PARD3B: variants seen among roughly 807,000 people sequenced by gnomAD.
The protein encoded by PARD3B is par-3 family cell polarity regulator beta.
A neutral mutation model predicts 130.2 loss-of-function variants in PARD3B; 103 were observed. The ratio of observed to expected loss-of-function variants is 0.79; its 90% confidence interval spans 0.67 to 0.93. The LOEUF (loss-of-function observed/expected upper bound fraction) is 0.93. PARD3B is among the 40% of genes least tolerant of loss of function. PARD3B has a pLI of 0.00. For missense variants in PARD3B, 1,609 were observed against 1,499.2 expected (o/e 1.07, Z -1.21); for synonymous variants, 583 against 553.2 (o/e 1.05, Z -0.76).
At chr2:204,854,058 C>T (rs184184777) in intron 2 of PARD3B, among the ~76,000 whole-genome samples, 10 of 151,998 alleles carry the variant, frequency 6.6e-5, no homozygotes, top group South Asian at 2.1e-4. Context: ...GGAGCATTTG[C>T]GAAGATCCTG....
In PARD3B at chr2:205,568,751, G is replaced by GTCT. The variant is rs1378274391; in HGVS notation, c.3260+15351_3260+15353dup. Among the ~76,000 whole-genome samples, 4 of 152,312 alleles carry GTCT rather than the reference G, an allele frequency of 2.6e-5. No homozygotes were observed. The highest frequency in any genetic ancestry group is 2.1e-4 in the South Asian group (1 of 4,824). Reference sequence around the variant, plus strand: ...ATTCGTCAGATGGCCCTGGTCGTGTGTCTTCCATGGTCTCCACAGTCTCAC... The same window carrying GTCT: ...ATTCGTCAGATGGCCCTGGTCGTGTGTCTTCTTCCATGGTCTCCACAGTCTCAC... On this transcript the variant is annotated intron_variant, in intron 22 of 22. Transcript: ENST00000406610. This position sits in a 1 kb window ranked among gnomAD's most constrained non-coding sequence, Gnocchi z 5.3.
chr2:204,745,407 CTTTT>C (rs71032405), intron 2 of PARD3B, among the ~76,000 whole-genome samples: 2 of 140,994 alleles, frequency 1.4e-5, no homozygotes, highest in African/African-American at 5.2e-5. Context: ...TAAATACTAC[CTTTT>C]TTTTTTTTTG....
rs58098566 is a variant in PARD3B, at chr2:204,553,615, TATATAC to T, written c.120+7502_120+7507del. Reference sequence around the variant, plus strand: ...ATACATATATATGTATATATATGGCTATATACATATATATGGATATATATTTATATA... The same window carrying T: ...ATACATATATATGTATATATATGGCTATATATATGGATATATATTTATATA... On this transcript the variant is annotated intron_variant, in intron 1 of 22. Coordinates refer to ENST00000406610, the MANE Select transcript of PARD3B (RefSeq NM_001302769.2). 2.5e-3 allele frequency among the ~76,000 whole-genome samples: 295 copies of T among 117,864 alleles called. 4 individuals carry two copies. Among genetic ancestry groups the T allele is most frequent in the African/African-American group, 8.2e-3 (257 of 31,236 alleles). 77.3% of individuals were successfully genotyped at this position (117,864 alleles called of 152,430 possible). A position where few individuals can be genotyped will look rare whatever the true frequency, so the allele number is the denominator to read the frequency against.
At chr2:205,539,604 C>CTT (rs34922521) in intron 21 of PARD3B, among the ~76,000 whole-genome samples, 2 of 151,954 alleles carry the variant, frequency 1.3e-5, no homozygotes, top group Admixed American at 6.6e-5. Context: ...GCTGTCACAA[C>CTT]TGATGACCAG....
intron 1 of PARD3B, among the ~76,000 whole-genome samples, chr2:204,646,427 T>C (rs534880044): frequency 7.8e-4 from 118 of 152,070 alleles, no homozygotes; most frequent in Non-Finnish European, 1.6e-3. Flanking sequence ...CATTCAGTGT[T>C]TGTGAGATTC....
At chr2:204,991,706 G>C (rs1368234586) in intron 3 of PARD3B, among the ~76,000 whole-genome samples, 3 of 151,148 alleles carry the variant, frequency 2.0e-5, no homozygotes, top group Non-Finnish European at 4.4e-5. Flanking sequence ...GTGTAAAAGT[G>C]TTCCTATTTC....
chr2:204,608,534 C>T (rs2033812561), intron 1 of PARD3B, among the ~76,000 whole-genome samples: 2 of 152,122 alleles, frequency 1.3e-5, no homozygotes, highest in Non-Finnish European at 2.9e-5. Context: ...AGTGCTATGC[C>T]TGGAAGGAGA....
At chr2:205,381,361 C>T (rs2105945381) in intron 18 of PARD3B, among the ~76,000 whole-genome samples, 1 of 150,408 alleles carries the variant, frequency 6.6e-6, no homozygotes. Context: ...TGCATTTCTT[C>T]AATGCTTGCT....
At chr2:205,381,969 G>T (rs2045465880) in intron 18 of PARD3B, among the ~76,000 whole-genome samples, 2 of 151,898 alleles carry the variant, frequency 1.3e-5, no homozygotes, top group Admixed American at 1.3e-4. Context: ...CCAGAAATTT[G>T]CAAAGAAGTA....
chr2:204,807,524 T>A (rs1420650170), intron 2 of PARD3B, among the ~76,000 whole-genome samples: 1 of 152,040 alleles, frequency 6.6e-6, no homozygotes, highest in Non-Finnish European at 1.5e-5. Flanking sequence ...AATCAGAATG[T>A]TGAAGAAATG....
At chr2:204,621,975 T>C (rs766937683) in intron 1 of PARD3B, among the ~76,000 whole-genome samples, 2 of 152,192 alleles carry the variant, frequency 1.3e-5, no homozygotes, top group Non-Finnish European at 2.9e-5. Context: ...GAACTGGTTA[T>C]TTCAACTCTG....
intron 3 of PARD3B, among the ~76,000 whole-genome samples, chr2:205,038,995 G>A (rs1026886628): frequency 2.0e-5 from 3 of 152,024 alleles, no homozygotes; most frequent in African/African-American, 7.2e-5. Context: ...ACCAAACCGG[G>A]TCAGGCACTC....
intron 2 of PARD3B, among the ~76,000 whole-genome samples, chr2:204,928,190 A>G (rs1239741878): frequency 6.6e-6 from 1 of 152,128 alleles, no homozygotes; most frequent in East Asian, 1.9e-4. Context: ...GGCTGGGACA[A>G]TTGGACTCTC....
chr2:205,406,659 CTTTTTTT>C (rs777517284), intron 19 of PARD3B, among the ~76,000 whole-genome samples: 26 of 87,466 alleles, frequency 3.0e-4, no homozygotes, highest in African/African-American at 9.9e-4. Context: ...TCTTGTGTAT[CTTTTTTT>C]TTTTTTTTTT....
chr2:204,760,271 A>T (rs1475459265), intron 2 of PARD3B, among the ~76,000 whole-genome samples: 1 of 152,108 alleles, frequency 6.6e-6, no homozygotes, highest in Non-Finnish European at 1.5e-5. Flanking sequence ...TGAAGAGTTG[A>T]TATACATGAA....
intron 4 of PARD3B, among the ~76,000 whole-genome samples, chr2:205,097,699 A>G (rs1702482943): frequency 6.6e-6 from 1 of 152,162 alleles, no homozygotes; most frequent in African/African-American, 2.4e-5. Context: ...GATCCACGTT[A>G]AAGTTTGAGA....
Position 205,562,488 on chromosome 2 carries a change from T to C in PARD3B, c.3260+9085T>C, listed in dbSNP as rs1241553917. 1.3e-5 allele frequency among the ~76,000 whole-genome samples: 2 copies of C among 152,226 alleles called. No individual in the cohort carries two copies. The highest frequency in any genetic ancestry group is 2.9e-5 in the Non-Finnish European group (2 of 68,040). ...AAGTACTCTTTTGAGAGGAAGAGTA[T>C]GTGCCTGCTCTTTCGAGAGTGCCAA... On this transcript the variant is annotated intron_variant, in intron 22 of 22. Coordinates refer to ENST00000406610, the MANE Select transcript of PARD3B (RefSeq NM_001302769.2). This position sits in a 1 kb window ranked among gnomAD's most constrained non-coding sequence, Gnocchi z 5.4.
Position 205,097,837 on chromosome 2 carries a change from G to A in PARD3B, c.505-6589G>A, listed in dbSNP as rs1198901149. 2.0e-3 allele frequency among the ~76,000 whole-genome samples: 3 copies of A among 1,536 alleles called. No homozygotes were observed. In the Non-Finnish European group the frequency reaches 0.03, roughly 15 times the overall value. 1.0% of individuals were successfully genotyped at this position (1,536 alleles called of 152,430 possible). ...AGGTGTAAAATCTAGTGGCGTGTGT[G>A]TGTGTGTGTGTGTGTGTGTGTAGTA... On this transcript the variant is annotated intron_variant, in intron 4 of 22. Coordinates refer to ENST00000406610, the MANE Select transcript of PARD3B (RefSeq NM_001302769.2).
intron 1 of PARD3B, among the ~76,000 whole-genome samples, chr2:204,659,239 T>C (rs2035726601): frequency 6.6e-6 from 1 of 152,160 alleles, no homozygotes; most frequent in African/African-American, 2.4e-5. Context: ...AATTGAACAA[T>C]TGTGTTGTTT....
Sources: allele counts gnomAD v4.1 joint callset (sites outside exome capture counted in the v4.1 genomes callset), GRCh38; gene constraint gnomAD v4.1.1; non-coding constraint Gnocchi (gnomAD v3.1); transcripts MANE v1.5; gene names NCBI Gene and HGNC (gene_info 2026-07-23, HGNC 2026-07-21).